CNTNAP5: variants seen among roughly 807,000 people sequenced by gnomAD.
CNTNAP5 encodes contactin-associated protein-like 5.
CNTNAP5 carries 72 observed loss-of-function variants against 150.2 expected under a neutral mutation model. The ratio of observed to expected loss-of-function variants is 0.48; its 90% CI spans 0.40 to 0.58. The LOEUF is 0.58. Among genes scored for constraint, CNTNAP5 ranks in the 20% least tolerant of loss-of-function variants. The probability of loss-of-function intolerance (pLI) is 0.00; values close to 1 mark genes in which losing one functional copy is unlikely to be tolerated. For missense variants in CNTNAP5, 1,636 were observed against 1,626.2 expected (o/e 1.01, Z -0.10); for synonymous variants, 672 against 619.8 (o/e 1.08, Z -1.25).
chr2:124,492,028 T>A (rs953756894), intron 7 of CNTNAP5, among the ~76,000 whole-genome samples: 34 of 152,288 alleles, frequency 2.2e-4, no homozygotes, highest in African/African-American at 7.7e-4. Context: ...TACCCTCTTA[T>A]CAGATAGCTA....
At chr2:124,908,498 C>T (rs1678587034) in intron 22 of CNTNAP5, among the ~76,000 whole-genome samples, 1 of 152,258 alleles carries the variant, frequency 6.6e-6, no homozygotes, top group African/African-American at 2.4e-5. Context: ...TAATGGTCTG[C>T]ATAGACAGTG....
At chr2:124,436,735 T>G (rs186596660) in intron 5 of CNTNAP5, among the ~76,000 whole-genome samples, 6 of 152,208 alleles carry the variant, frequency 3.9e-5, no homozygotes, top group African/African-American at 1.4e-4. Flanking sequence ...CCATCTTCTC[T>G]ATATTTCCAA....
At chr2:124,494,147 G>A (rs1250399849) in intron 7 of CNTNAP5, among the ~76,000 whole-genome samples, 1 of 151,818 alleles carries the variant, frequency 6.6e-6, no homozygotes. Context: ...TGGCTGTTAA[G>A]GCTGAGAGGA....
intron 11 of CNTNAP5, among the ~76,000 whole-genome samples, chr2:124,590,677 T>C (rs1696659022): frequency 6.6e-6 from 1 of 152,128 alleles, no homozygotes; most frequent in South Asian, 2.1e-4. Flanking sequence ...TGTAACTAAA[T>C]ATGCAGTCAT....
intron 3 of CNTNAP5, among the ~76,000 whole-genome samples, chr2:124,250,390 A>G (rs1370617039): frequency 5.9e-5 from 9 of 152,184 alleles, no homozygotes; most frequent in Admixed American, 5.9e-4. Flanking sequence ...ATTATCAATA[A>G]TAAGGGATGT....
At chr2:124,112,353 G>A (rs971654055) in intron 1 of CNTNAP5, among the ~76,000 whole-genome samples, 12 of 152,100 alleles carry the variant, frequency 7.9e-5, no homozygotes, top group African/African-American at 2.7e-4. Flanking sequence ...CTGATTGGAA[G>A]CATCATATTT....
At chr2:124,480,966 A>G (rs1032451131) in intron 7 of CNTNAP5, among the ~76,000 whole-genome samples, 1 of 152,178 alleles carries the variant, frequency 6.6e-6, no homozygotes, top group African/African-American at 2.4e-5. Flanking sequence ...AAAAGGAAAA[A>G]CTAACAGTGT....
At chr2:124,263,774 G>C (rs995985086) in intron 3 of CNTNAP5, among the ~76,000 whole-genome samples, 15 of 152,080 alleles carry the variant, frequency 9.9e-5, no homozygotes, top group African/African-American at 9.7e-5. Flanking sequence ...GGGATTTTAT[G>C]GTTTTAGGTC....
At chr2:124,614,922 T>G (rs1677461974) in intron 12 of CNTNAP5, among the ~76,000 whole-genome samples, 1 of 152,140 alleles carries the variant, frequency 6.6e-6, no homozygotes, top group South Asian at 2.1e-4. Context: ...CTGACACAAG[T>G]TCATATAAAA....
chr2:124,839,915 A>C (rs1682911703), intron 19 of CNTNAP5, among the ~76,000 whole-genome samples: 1 of 152,172 alleles, frequency 6.6e-6, no homozygotes, highest in Non-Finnish European at 1.5e-5. Context: ...CAAGGAAAAC[A>C]CACTTGTCTC....
At position 124,025,341 on chromosome 2, in the gene CNTNAP5, G is replaced by T. The variant is rs539146884; in HGVS notation, c.-310G>T. 2.7e-5 allele frequency: 9 copies of T among 331,552 alleles called. No homozygotes were observed. The highest frequency in any genetic ancestry group is 7.9e-5 in the Admixed American group (2 of 25,452). 20.5% of individuals were successfully genotyped at this position (331,552 alleles called of 1,614,324 possible). On this transcript the variant is annotated 5_prime_UTR_variant, in exon 1 of 24. Transcript: ENST00000682447. The stretch of plus-strand genomic sequence containing the variant: ...ATTTGGCTGTCCACCGAGCTCCGGC[G>T]CCTGTCGTTCTAATTGGGTTTGGAT...
chr2:124,746,471 G>T (rs924163142), intron 13 of CNTNAP5, among the ~76,000 whole-genome samples: 13 of 152,134 alleles, frequency 8.5e-5, no homozygotes, highest in African/African-American at 3.1e-4. Context: ...GGGTTTGTTT[G>T]GTCCACATAT....
intron 17 of CNTNAP5, among the ~76,000 whole-genome samples, chr2:124,777,386 A>AT (rs769795949): frequency 4.6e-5 from 7 of 151,938 alleles, no homozygotes; most frequent in Non-Finnish European, 1.0e-4. Flanking sequence ...GCTATTATAT[A>AT]TTTTTTGAAA....
intron 7 of CNTNAP5, among the ~76,000 whole-genome samples, chr2:124,503,222 C>G (rs1018009251): frequency 2.6e-5 from 4 of 152,192 alleles, no homozygotes; most frequent in Non-Finnish European, 4.4e-5. Context: ...AAATGTGCTA[C>G]TGGTAGAAGT....
At chr2:124,137,027 C>G (rs1435847346) in intron 1 of CNTNAP5, among the ~76,000 whole-genome samples, 1 of 151,876 alleles carries the variant, frequency 6.6e-6, no homozygotes, top group Non-Finnish European at 1.5e-5. Context: ...CTGAGTTCTC[C>G]TGCCTCACAC....
chr2:124,423,778 C>T (rs902093379), intron 4 of CNTNAP5, among the ~76,000 whole-genome samples: 4 of 142,824 alleles, frequency 2.8e-5, no homozygotes, highest in African/African-American at 7.8e-5. Context: ...CATTCTCCTG[C>T]CTCAGCCTCC....
intron 3 of CNTNAP5, among the ~76,000 whole-genome samples, chr2:124,399,133 T>A (rs1691340015): frequency 6.6e-6 from 1 of 152,178 alleles, no homozygotes; most frequent in Non-Finnish European, 1.5e-5. Context: ...CCTCCTCAAC[T>A]GCTCATTTTC....
chr2:124,242,395 T>C lies in CNTNAP5; in HGVS notation c.381+2T>C. On this transcript the variant is annotated splice_donor_variant, in intron 3 of 23. Coordinates refer to ENST00000682447, the MANE Select transcript of CNTNAP5 (RefSeq NM_001367498.1). LOFTEE classifies it high-confidence loss of function. ...TACAAACAAGAAGACAGCATCTGGG[T>C]AGGACATCTTTTTCCTTCCAATGAA... 1 of 1,611,416 alleles carries C rather than the reference T, an allele frequency of 6.2e-7. No individual in the cohort carries two copies. Among genetic ancestry groups the C allele is most frequent in the Non-Finnish European group, 8.5e-7 (1 of 1,178,548 alleles).
rs138877401 is a variant in CNTNAP5, at chr2:124,113,506, ATGTG to A, written c.82+87804_82+87807del. ...ATATCTATTCAACTGATACATATAT[ATGTG>A]TGTGTGTGTGTGTGTGTGTGTGTGT... On this transcript the variant is annotated intron_variant, in intron 1 of 23. Transcript: ENST00000682447. Among the ~76,000 whole-genome samples, 354 of 142,880 alleles carry A rather than the reference ATGTG, an allele frequency of 2.5e-3. 1 individual carries two copies. The highest frequency in any genetic ancestry group is 6.7e-3 in the African/African-American group (261 of 38,744). 93.7% of individuals were successfully genotyped at this position (142,880 alleles called of 152,430 possible). A position where few individuals can be genotyped will look rare whatever the true frequency, so the allele number is the denominator to read the frequency against.
Sources: allele counts gnomAD v4.1 joint callset (sites outside exome capture counted in the v4.1 genomes callset), GRCh38; gene constraint gnomAD v4.1.1; transcripts MANE v1.5; gene names NCBI Gene and HGNC (gene_info 2026-07-23, HGNC 2026-07-21).